The following GRXCR2 variants were observed in gnomAD, a reference collection of about 807,000 sequenced individuals.
GRXCR2 encodes the protein glutaredoxin and cysteine rich domain containing 2.
Under a neutral mutation model 24.8 loss-of-function variants are expected in GRXCR2, and 23 were observed. The observed-to-expected ratio is 0.93, with a 90% confidence interval of 0.67 to 1.32. GRXCR2 has a LOEUF of 1.32. GRXCR2 is among the 40% of genes most tolerant of loss of function. GRXCR2 has a pLI of 0.00. For synonymous variants in GRXCR2, 130 were observed against 116.1 expected, an observed-to-expected ratio of 1.12 and a Z score of -0.77; for missense variants, 315 against 303.4, an observed-to-expected ratio of 1.04 and a Z score of -0.28.
chr5:145,930,255 T>C (rs1197593342), intron 2 of GRXCR2, among the ~76,000 whole-genome samples: 1 of 152,038 alleles, frequency 6.6e-6, no homozygotes. Flanking sequence ...CAGCTAATCT[T>C]TGTATTTTTA....
chr5:145,890,432 T>C (rs191048364), intron 2 of GRXCR2, among the ~76,000 whole-genome samples: 44 of 152,290 alleles, frequency 2.9e-4, no homozygotes, highest in African/African-American at 1.0e-3. Context: ...AATATGGGAT[T>C]ATGTGAAGTC....
chr5:145,910,077 G>A (rs555488937), intron 2 of GRXCR2, among the ~76,000 whole-genome samples: 1 of 152,220 alleles, frequency 6.6e-6, no homozygotes, highest in South Asian at 2.1e-4. Flanking sequence ...ATTGTACATC[G>A]AAGTTCATTT....
rs760103355 is a variant in GRXCR2 at position 145,859,872 on chromosome 5, G to A, written c.608C>T (p.Ser203Leu). 3.2e-5 allele frequency: 51 copies of A among 1,604,042 alleles called. No individual in the cohort carries two copies. Among genetic ancestry groups the A allele is most frequent in the Middle Eastern group, 1.7e-4 (1 of 5,998 alleles). Residue 203 changes from serine to leucine, a missense_variant, in exon 3 of 3, where the codon TCG (serine) becomes TTG (leucine). Coordinates refer to ENST00000377976, the MANE Select transcript of GRXCR2 (RefSeq NM_001080516.2). ...GCACAGAGAGCAGGTGGCACTGCCC[G>A]ACCCTCGGCAGTGAAAACAGCTGTC... Reference protein sequence around the residue: ...PEDSCFHCRGSGSATCSLCHG... With the variant: ...PEDSCFHCRGLGSATCSLCHG...
chr5:145,860,089 CAG>C (rs947700937), intron 2 of GRXCR2, among the ~76,000 whole-genome samples, 174 bp from the exon 3 acceptor site: 1 of 152,174 alleles, frequency 6.6e-6, no homozygotes, highest in African/African-American at 2.4e-5. Context: ...GCAATTTTAT[CAG>C]AGAGGATTCC....
At chr5:145,888,926 C>A (rs1170703006) in intron 2 of GRXCR2, among the ~76,000 whole-genome samples, 1 of 152,018 alleles carries the variant, frequency 6.6e-6, no homozygotes, top group African/African-American at 2.4e-5. Context: ...GTAATCCCAG[C>A]ACTTTGGGAG....
intron 2 of GRXCR2, among the ~76,000 whole-genome samples, chr5:145,910,908 T>C (rs1581351976): frequency 1.3e-5 from 2 of 152,008 alleles, no homozygotes; most frequent in East Asian, 3.9e-4. Flanking sequence ...ACATCCCCAC[T>C]CTGTGGATGA....
intron 2 of GRXCR2, among the ~76,000 whole-genome samples, chr5:145,888,943 G>A (rs1224735921): frequency 1.3e-5 from 2 of 152,158 alleles, no homozygotes; most frequent in South Asian, 2.1e-4. Flanking sequence ...GGAGGCCGAG[G>A]TGGGCAGGTC....
At chr5:145,900,297 C>G (rs1475739022) in intron 2 of GRXCR2, among the ~76,000 whole-genome samples, 1 of 152,098 alleles carries the variant, frequency 6.6e-6, no homozygotes, top group African/African-American at 2.4e-5. Context: ...TCCTCCTGTT[C>G]TGGCCATGTA....
chr5:145,916,669 G>A (rs1757245623), intron 2 of GRXCR2, among the ~76,000 whole-genome samples: 1 of 152,180 alleles, frequency 6.6e-6, no homozygotes, highest in Non-Finnish European at 1.5e-5. Flanking sequence ...AGGCAAAGAA[G>A]GATATAGACA....
At chr5:145,871,968 G>A (rs977125465) in intron 1 of GRXCR2, among the ~76,000 whole-genome samples, 6 of 152,100 alleles carry the variant, frequency 3.9e-5, no homozygotes, top group Non-Finnish European at 7.4e-5. Context: ...AATCATGTAT[G>A]GACTTTTGAT....
intron 2 of GRXCR2, among the ~76,000 whole-genome samples, chr5:145,924,760 G>A (rs538643389): frequency 1.3e-5 from 2 of 152,204 alleles, no homozygotes; most frequent in East Asian, 3.9e-4. Context: ...TCTTTGCACA[G>A]AATCTTGCAC....
At position 145,915,119 on chromosome 5, in the gene GRXCR2, C is replaced by T. The variant is rs190157308; in HGVS notation, c.-70+20582G>A. Among the ~76,000 whole-genome samples, 450 of 152,224 alleles carry T rather than the reference C, an allele frequency of 3.0e-3. 1 individual carries two copies. The highest frequency in any genetic ancestry group is 0.01 in the African/African-American group (431 of 41,542). On this transcript the variant is annotated intron_variant, in intron 2 of 3. Coordinates refer to the GRXCR2 transcript ENST00000639411. ...TGAGATCTGCTGTCCCACAGGCTCC[C>T]CACCCATCTATGGATGGCTGTGGTG...
chr5:145,926,225 G>A (rs73310116), intron 2 of GRXCR2, among the ~76,000 whole-genome samples: 12,586 of 152,100 alleles, frequency 0.083, 887 homozygotes, highest in African/African-American at 0.19. Context: ...CAGTTTCAGA[G>A]CTGTGAAGTT....
At chr5:145,875,765 C>G (rs7701544), upstream of GRXCR2, among the ~76,000 whole-genome samples, 3 of 152,048 alleles carry the variant, frequency 2.0e-5, no homozygotes, top group East Asian at 5.8e-4. Flanking sequence ...GTCTGGGACA[C>G]ACCATCAATG....
At chr5:145,903,244 A>G (rs1418907017) in intron 2 of GRXCR2, among the ~76,000 whole-genome samples, 1 of 152,126 alleles carries the variant, frequency 6.6e-6, no homozygotes, top group Non-Finnish European at 1.5e-5. Context: ...GAGACATAGC[A>G]CGGCTAGTTT....
At chr5:145,923,992 A>G (rs1757359772) in intron 2 of GRXCR2, among the ~76,000 whole-genome samples, 1 of 152,142 alleles carries the variant, frequency 6.6e-6, no homozygotes, top group South Asian at 2.1e-4. Flanking sequence ...AAATGGAATG[A>G]TACTTACAAT....
At chr5:145,922,230 G>A (rs1391744778) in intron 2 of GRXCR2, among the ~76,000 whole-genome samples, 1 of 152,164 alleles carries the variant, frequency 6.6e-6, no homozygotes, top group African/African-American at 2.4e-5. Flanking sequence ...AGAAAGTCCT[G>A]GGTCCTCCCA....
At chr5:145,858,233 G>C (rs1426671866), downstream of GRXCR2, among the ~76,000 whole-genome samples, 1 of 150,638 alleles carries the variant, frequency 6.6e-6, no homozygotes. Flanking sequence ...AGAATCGCTG[G>C]AAGCCGGGAG....
chr5:145,889,185 A>AAAGG (rs1756823681), intron 2 of GRXCR2, among the ~76,000 whole-genome samples: 1 of 119,988 alleles, frequency 8.3e-6, no homozygotes, highest in Non-Finnish European at 1.8e-5. Context: ...AGAAAGAAAG[A>AAAGG]AAGAAAGAAA....
Sources: gnomAD v4.1 joint callset for allele counts (sites outside exome capture counted in the v4.1 genomes callset) on GRCh38, gnomAD v4.1.1 for gene constraint, MANE v1.5 for transcripts, NCBI Gene and HGNC (gene_info 2026-07-23, HGNC 2026-07-21) for gene names.